The following CERT1 variants were observed in gnomAD, a reference collection of about 807,000 sequenced individuals.
The protein encoded by CERT1 is ceramide transporter 1.
Under a neutral mutation model 87.9 loss-of-function variants are expected in CERT1, and 31 were observed. The observed-to-expected ratio is 0.35, with a 90% CI of 0.27 to 0.48. CERT1 has a LOEUF of 0.48. Ranked by LOEUF, CERT1 falls within the 20% of genes least tolerant of loss-of-function variation. CERT1 has a pLI of 0.99. For missense variants in CERT1, 487 were observed against 758.0 expected (o/e 0.64, Z 4.20); for synonymous variants, 289 against 250.9 (o/e 1.15, Z -1.44).
intron 3 of CERT1, among the ~76,000 whole-genome samples, chr5:75,458,265 A>G (rs1327752317): frequency 6.6e-6 from 1 of 152,264 alleles, no homozygotes; most frequent in East Asian, 1.9e-4. Context: ...TGTACCTTAT[A>G]TATTTATATA....
intron 3 of CERT1, among the ~76,000 whole-genome samples, chr5:75,428,450 G>A (rs1035512397): frequency 1.1e-4 from 17 of 152,284 alleles, no homozygotes; most frequent in East Asian, 1.9e-4. Flanking sequence ...AGGCCAAGGC[G>A]GGCGGATCAT....
At chr5:75,467,841 T>C (rs1330942719) in intron 2 of CERT1, among the ~76,000 whole-genome samples, 1 of 152,182 alleles carries the variant, frequency 6.6e-6, no homozygotes. Flanking sequence ...TTTCCTGTTT[T>C]TGATATTTTA....
At chr5:75,434,610 A>G (rs1013424935) in intron 3 of CERT1, among the ~76,000 whole-genome samples, 3 of 149,732 alleles carry the variant, frequency 2.0e-5, no homozygotes, top group African/African-American at 4.9e-5. Context: ...CTATGAATCC[A>G]TGTGGTCCAC....
chr5:75,481,356 A>G (rs1766233983), intron 2 of CERT1, among the ~76,000 whole-genome samples: 2 of 152,242 alleles, frequency 1.3e-5, no homozygotes, highest in South Asian at 4.1e-4. Flanking sequence ...AAATAAGGAT[A>G]TATCCTACAA....
chr5:75,395,925 C>T (rs1762233929), intron 11 of CERT1, among the ~76,000 whole-genome samples: 1 of 152,112 alleles, frequency 6.6e-6, no homozygotes, highest in Admixed American at 6.6e-5. Context: ...ACAGAACTTG[C>T]AGTCCTTTAC....
chr5:75,510,681 A>G (rs1767910727), intron 1 of CERT1, among the ~76,000 whole-genome samples: 1 of 152,160 alleles, frequency 6.6e-6, no homozygotes, highest in African/African-American at 2.4e-5. Flanking sequence ...GCTTCTGTCG[A>G]AAGAGTTGCG....
At chr5:75,395,981 C>T (rs1393749736) in intron 11 of CERT1, among the ~76,000 whole-genome samples, 2 of 152,204 alleles carry the variant, frequency 1.3e-5, no homozygotes, top group African/African-American at 4.8e-5. Flanking sequence ...CTAATATCTG[C>T]CCATCAGACA....
At chr5:75,471,553 G>T (rs1765709278) in intron 2 of CERT1, among the ~76,000 whole-genome samples, 1 of 152,114 alleles carries the variant, frequency 6.6e-6, no homozygotes, top group Non-Finnish European at 1.5e-5. Flanking sequence ...GAGGTCAAGA[G>T]ATTGAGACCA....
At chr5:75,501,119 C>T (rs1010260066) in intron 2 of CERT1, among the ~76,000 whole-genome samples, 1 of 151,952 alleles carries the variant, frequency 6.6e-6, no homozygotes, top group Non-Finnish European at 1.5e-5. Flanking sequence ...GAAGCTGAGA[C>T]TACAGATGTG....
chr5:75,384,741 T>A, intron 13 of CERT1, 29 bp from the exon 14 acceptor site: 2 of 1,341,220 alleles, frequency 1.5e-6, no homozygotes, highest in Non-Finnish European at 2.1e-6. Context: ...TAAAAAGATA[T>A]ATTATCTTTT....
At chr5:75,432,289 C>T (rs936362682) in intron 3 of CERT1, among the ~76,000 whole-genome samples, 5 of 152,008 alleles carry the variant, frequency 3.3e-5, no homozygotes, top group East Asian at 1.9e-4. Context: ...TCTCTGACGT[C>T]GTAATCCGCC....
intron 8 of CERT1, among the ~76,000 whole-genome samples, chr5:75,404,704 A>G (rs1762635490): frequency 1.3e-5 from 2 of 152,146 alleles, no homozygotes; most frequent in Admixed American, 6.5e-5. Context: ...GTCTAATTGA[A>G]AACTACAGCA....
At chr5:75,435,937 C>T (rs1764077423) in intron 3 of CERT1, among the ~76,000 whole-genome samples, 1 of 152,164 alleles carries the variant, frequency 6.6e-6, no homozygotes, top group Non-Finnish European at 1.5e-5. Flanking sequence ...TGCACACCAG[C>T]AGGGTACCTG....
chr5:75,395,759 A>C (rs1401118501), intron 11 of CERT1, among the ~76,000 whole-genome samples: 1 of 151,946 alleles, frequency 6.6e-6, no homozygotes, highest in Non-Finnish European at 1.5e-5. Context: ...CTGAGACAGG[A>C]GAATCGCTTG....
At chr5:75,470,658 C>T (rs1765668187) in intron 2 of CERT1, among the ~76,000 whole-genome samples, 1 of 152,176 alleles carries the variant, frequency 6.6e-6, no homozygotes, top group Admixed American at 6.5e-5. Flanking sequence ...AGCTAATACA[C>T]TGAACAGGGA....
chr5:75,474,923 G>A (rs1301435428), intron 2 of CERT1, among the ~76,000 whole-genome samples: 1 of 150,806 alleles, frequency 6.6e-6, no homozygotes, highest in Non-Finnish European at 1.5e-5. Context: ...CTATTTGAGG[G>A]AGTCTAATAG....
chr5:75,504,764 T>C (rs1227175540), intron 2 of CERT1, among the ~76,000 whole-genome samples: 2 of 152,060 alleles, frequency 1.3e-5, no homozygotes, highest in African/African-American at 4.8e-5. Context: ...TTTTTTTTTT[T>C]TTTTTGGCCC....
At chr5:75,502,682 G>A (rs1030414002) in intron 2 of CERT1, among the ~76,000 whole-genome samples, 1 of 152,034 alleles carries the variant, frequency 6.6e-6, no homozygotes, top group Non-Finnish European at 1.5e-5. Flanking sequence ...TGTCCCTCAA[G>A]TGCAAGACTA....
downstream of CERT1, chr5:75,374,506 A>G: frequency 1.4e-6 from 1 of 720,616 alleles, no homozygotes; most frequent in Non-Finnish European, 2.6e-6. Context: ...AAAAAGGGCC[A>G]CAGCCACGTG....
Sources: allele counts gnomAD v4.1 joint callset (sites outside exome capture counted in the v4.1 genomes callset), GRCh38; gene constraint gnomAD v4.1.1; transcripts MANE v1.5; gene names NCBI Gene and HGNC (gene_info 2026-07-23, HGNC 2026-07-21).